Variants in PTPRD observed in about 807,000 individuals in gnomAD.
The protein encoded by PTPRD is receptor-type tyrosine-protein phosphatase delta.
Under a neutral mutation model 214.5 loss-of-function variants are expected in PTPRD, and 34 were observed. The observed-to-expected ratio is 0.16, with a 90% CI of 0.12 to 0.21. The LOEUF (loss-of-function observed/expected upper bound fraction) is 0.21, where lower values mean the gene tolerates loss of function less well. PTPRD is among the 10% of genes least tolerant of loss of function. PTPRD has a pLI of 1.00. For missense variants in PTPRD, 2,545 were observed against 2,398.7 expected (o/e 1.06, Z -1.27); for synonymous variants, 1,128 against 845.7 (o/e 1.33, Z -5.79).
At chr9:10,401,777 A>G (rs1301475057) in intron 2 of PTPRD, among the ~76,000 whole-genome samples, 1 of 150,800 alleles carries the variant, frequency 6.6e-6, no homozygotes, top group Non-Finnish European at 1.5e-5. Context: ...GATAATTTAC[A>G]AAATAAAAAT....
intron 35 of PTPRD, among the ~76,000 whole-genome samples, chr9:8,422,729 A>C (rs1463631642): frequency 3.3e-5 from 5 of 152,212 alleles, no homozygotes; most frequent in Non-Finnish European, 7.3e-5. Context: ...GAAGGAATAG[A>C]AAAAGAACAA....
intron 7 of PTPRD, among the ~76,000 whole-genome samples, chr9:9,620,894 G>A (rs1051645061): frequency 9.2e-5 from 14 of 151,828 alleles, no homozygotes; most frequent in African/African-American, 3.1e-4. Context: ...CAAAGCATTA[G>A]TAGGCAAGGA....
At position 8,957,005 on chromosome 9, in the gene PTPRD, T is replaced by C. The variant is rs867245851; in HGVS notation, c.-104+61692A>G. 1.2e-4 allele frequency among the ~76,000 whole-genome samples: 18 copies of C among 151,958 alleles called. No individual in the cohort carries two copies. The South Asian group carries it at 3.7e-3, about 31-fold the overall frequency. ...GTCCCTGCGTTAATGGCAGTAAGGA[T>C]AACTCAGTGATGTAAGCTAACTATT... On this transcript the variant is annotated intron_variant, in intron 11 of 45. Coordinates refer to ENST00000381196, the MANE Select transcript of PTPRD (RefSeq NM_002839.4).
chr9:9,007,888 T>C (rs1048403087), intron 11 of PTPRD, among the ~76,000 whole-genome samples: 4 of 146,922 alleles, frequency 2.7e-5, no homozygotes, highest in Non-Finnish European at 6.0e-5. Flanking sequence ...GAAAAGTGTT[T>C]TTTTTTTTTG....
chr9:8,804,031 C>T (rs1448465296), intron 11 of PTPRD, among the ~76,000 whole-genome samples: 2 of 152,036 alleles, frequency 1.3e-5, no homozygotes, highest in Admixed American at 1.3e-4. Flanking sequence ...TGGCTCACTG[C>T]AACTTCTGCC....
intron 8 of PTPRD, among the ~76,000 whole-genome samples, chr9:9,479,854 T>C (rs553492240): frequency 1.3e-5 from 2 of 152,286 alleles, no homozygotes; most frequent in Non-Finnish European, 2.9e-5. Context: ...AATGTCAATT[T>C]TCTAATGAAG....
At chr9:10,598,690 GTGTGTGTGTGTGTGGTGTGTGGTGT>G (rs1437592207) in intron 2 of PTPRD, among the ~76,000 whole-genome samples, 1 of 102,012 alleles carries the variant, frequency 9.8e-6, no homozygotes, top group Non-Finnish European at 2.0e-5. Flanking sequence ...GTGTGTGTGT[GTGTGTGTGTGTGTGGTGTGTGGTGT>G]GTGTGTGTGT....
At chr9:8,414,914 GGAGAGAGAGGGAGGGGGAGAGA>G (rs2093794418) in intron 35 of PTPRD, among the ~76,000 whole-genome samples, 4 of 110,400 alleles carry the variant, frequency 3.6e-5, no homozygotes, top group Admixed American at 3.0e-4. Context: ...GGAGGGAGGG[GGAGAGAGAGGGAGGGGGAGAGA>G]GAGAGAGAGA....
intron 10 of PTPRD, among the ~76,000 whole-genome samples, chr9:9,041,901 A>T (rs1360375079): frequency 6.6e-6 from 1 of 152,212 alleles, no homozygotes; most frequent in Non-Finnish European, 1.5e-5. Flanking sequence ...GAATTATTTG[A>T]ACAAGAAGTC....
intron 35 of PTPRD, among the ~76,000 whole-genome samples, chr9:8,408,313 C>T (rs546146027): frequency 6.6e-6 from 1 of 152,064 alleles, no homozygotes; most frequent in Admixed American, 6.6e-5. Context: ...TCTTAATGGA[C>T]TCAATTCCTT....
intron 9 of PTPRD, among the ~76,000 whole-genome samples, chr9:9,273,005 C>T (rs906455993): frequency 2.6e-5 from 4 of 151,170 alleles, no homozygotes; most frequent in African/African-American, 9.7e-5. Flanking sequence ...TTTGTGATTT[C>T]TATGGATAAA....
chr9:9,296,436 T>G (rs2134399949), intron 9 of PTPRD, among the ~76,000 whole-genome samples: 1 of 151,896 alleles, frequency 6.6e-6, no homozygotes, highest in African/African-American at 2.4e-5. Context: ...TTTAAATAAT[T>G]GAGTTGACCA....
At chr9:8,806,768 G>T (rs1314994256) in intron 11 of PTPRD, among the ~76,000 whole-genome samples, 1 of 152,124 alleles carries the variant, frequency 6.6e-6, no homozygotes, top group Non-Finnish European at 1.5e-5. Context: ...AAGATACTTA[G>T]ATTACTGTTA....
At chr9:9,361,365 T>C (rs2056090029) in intron 9 of PTPRD, among the ~76,000 whole-genome samples, 1 of 151,152 alleles carries the variant, frequency 6.6e-6, no homozygotes, top group African/African-American at 2.4e-5. Flanking sequence ...TCATAATATT[T>C]AAAGCTGCTT....
chr9:8,948,465 T>A (rs4008138), intron 11 of PTPRD, among the ~76,000 whole-genome samples: 5 of 6,716 alleles, frequency 7.4e-4, no homozygotes, highest in Admixed American at 4.2e-3. Context: ...ATATATATAT[T>A]TACATATATA....
In PTPRD at chr9:10,007,150, T is replaced by G. The variant is rs376326505; in HGVS notation, c.-472+26568A>C. On this transcript the variant is annotated intron_variant, in intron 4 of 45. Transcript: ENST00000381196. ...CTTATTTAAGGACATAAGTCAGAAT[T>G]GATATGGTCCAGGATTCAAATGTAG... is the stretch of plus-strand genomic sequence containing the variant. Among the ~76,000 whole-genome samples the G allele has an allele frequency of 3.9e-5, 6 of 152,104 alleles. No homozygotes were observed. The East Asian group carries it at 1.2e-3, about 29-fold the overall frequency.
intron 3 of PTPRD, among the ~76,000 whole-genome samples, chr9:10,159,453 T>C (rs1436048978): frequency 6.6e-6 from 1 of 151,856 alleles, no homozygotes; most frequent in Non-Finnish European, 1.5e-5. Context: ...AGCACTTTAA[T>C]AGATGTGCAT....
intron 3 of PTPRD, among the ~76,000 whole-genome samples, chr9:10,281,509 G>A (rs2095110389): frequency 6.6e-6 from 1 of 152,182 alleles, no homozygotes; most frequent in South Asian, 2.1e-4. Context: ...GCTGAGAAGA[G>A]AATGGAGTCT....
chr9:9,344,190 A>C (rs1369219617), intron 9 of PTPRD, among the ~76,000 whole-genome samples: 3 of 152,178 alleles, frequency 2.0e-5, no homozygotes, highest in African/African-American at 7.2e-5. Context: ...CCATGGATGA[A>C]GCTGGAAACC....
Sources: gnomAD v4.1 joint callset for allele counts (sites outside exome capture counted in the v4.1 genomes callset) on GRCh38, gnomAD v4.1.1 for gene constraint, MANE v1.5 for transcripts, NCBI Gene and HGNC (gene_info 2026-07-23, HGNC 2026-07-21) for gene names.